ABCD3: variants seen among roughly 807,000 people sequenced by gnomAD.
The protein encoded by ABCD3 is ATP binding cassette subfamily D member 3, also known as ATP-binding cassette sub-family D member 3.
Under a neutral mutation model 105.5 loss-of-function variants are expected in ABCD3, and 41 were observed. The ratio of observed to expected loss-of-function variants is 0.39; its 90% CI spans 0.30 to 0.50. The LOEUF (loss-of-function observed/expected upper bound fraction) is 0.50, where lower values mean the gene tolerates loss of function less well. ABCD3 is among the 20% of genes least tolerant of loss of function. The pLI is 0.84. For missense variants in ABCD3, 622 were observed against 806.3 expected, an observed-to-expected ratio of 0.77 and a Z score of 2.77; for synonymous variants, 258 against 269.0, an observed-to-expected ratio of 0.96 and a Z score of 0.40.
At chr1:94,422,330 T>C (rs905799791) in intron 1 of ABCD3, among the ~76,000 whole-genome samples, 23 of 152,264 alleles carry the variant, frequency 1.5e-4, no homozygotes, top group African/African-American at 5.5e-4. Flanking sequence ...CGTGAACCTG[T>C]TGTAAACTGC....
chr1:94,511,579 C>A (rs1369470100), intron 21 of ABCD3, among the ~76,000 whole-genome samples: 1 of 152,146 alleles, frequency 6.6e-6, no homozygotes, highest in African/African-American at 2.4e-5. Context: ...TAATATCCTG[C>A]AGAGTGTTTT....
chr1:94,409,842 GAGA>G, the ABCD3 span, among the ~76,000 whole-genome samples: 1 of 152,294 alleles, frequency 6.6e-6, no homozygotes, highest in Non-Finnish European at 1.5e-5. Context: ...TTCTATTTCT[GAGA>G]AGGAGACTTG....
the ABCD3 span, among the ~76,000 whole-genome samples, chr1:94,393,450 T>G: frequency 6.6e-6 from 1 of 151,518 alleles, no homozygotes; most frequent in Non-Finnish European, 1.5e-5. Flanking sequence ...ACCAGCCTGG[T>G]CAAGGTGGTA....
At chr1:94,425,721 T>C (rs1659442736) in intron 1 of ABCD3, among the ~76,000 whole-genome samples, 1 of 152,218 alleles carries the variant, frequency 6.6e-6, no homozygotes. Flanking sequence ...ATTTAAATTT[T>C]TTTCTACTTT....
the ABCD3 span, among the ~76,000 whole-genome samples, chr1:94,394,436 G>A: frequency 6.6e-6 from 1 of 152,182 alleles, no homozygotes; most frequent in Non-Finnish European, 1.5e-5. Flanking sequence ...TTCCATGTCA[G>A]TATCTGCATA....
chr1:94,453,029 A>G (rs1159802130), intron 1 of ABCD3, among the ~76,000 whole-genome samples: 1 of 152,106 alleles, frequency 6.6e-6, no homozygotes, highest in African/African-American at 2.4e-5. Flanking sequence ...CTGGCCTTCC[A>G]AAGTGCTCGG....
intron 2 of ABCD3, among the ~76,000 whole-genome samples, chr1:94,459,939 C>T (rs1436726637): frequency 1.3e-5 from 2 of 152,180 alleles, no homozygotes; most frequent in Non-Finnish European, 2.9e-5. Flanking sequence ...ATCAGTATTG[C>T]ATTCCTTTTT....
the ABCD3 span, among the ~76,000 whole-genome samples, chr1:94,405,193 A>C: frequency 6.6e-6 from 1 of 152,122 alleles, no homozygotes; most frequent in African/African-American, 2.4e-5. Flanking sequence ...AAATGCCTGT[A>C]TAGTTTTATA....
chr1:94,441,787 T>C (rs1287545080), intron 1 of ABCD3, among the ~76,000 whole-genome samples: 1 of 152,148 alleles, frequency 6.6e-6, no homozygotes, highest in Non-Finnish European at 1.5e-5. Context: ...AAATATGTTA[T>C]TTGCTCATTT....
At chr1:94,411,153 CT>C in the ABCD3 span, among the ~76,000 whole-genome samples, 1 of 151,954 alleles carries the variant, frequency 6.6e-6, no homozygotes, top group South Asian at 2.1e-4. Flanking sequence ...AATGTAAAAC[CT>C]TTTTGTATTA....
chr1:94,509,798 G>A (rs1016254324), intron 21 of ABCD3, among the ~76,000 whole-genome samples: 5 of 152,156 alleles, frequency 3.3e-5, no homozygotes, highest in Non-Finnish European at 5.9e-5. Flanking sequence ...AGTATTCTCC[G>A]ATGGTAGTTT....
chr1:94,386,854 C>CA, the ABCD3 span, among the ~76,000 whole-genome samples: 10 of 151,520 alleles, frequency 6.6e-5, no homozygotes, highest in South Asian at 1.0e-3. Flanking sequence ...GACTCCATCT[C>CA]AAAAGAAAAA....
chr1:94,464,073 T>C (rs1334909338), intron 2 of ABCD3, among the ~76,000 whole-genome samples: 2 of 152,198 alleles, frequency 1.3e-5, no homozygotes, highest in Non-Finnish European at 2.9e-5. Flanking sequence ...GACCATCCTG[T>C]GTGAACTGTT....
the ABCD3 span, among the ~76,000 whole-genome samples, chr1:94,396,741 G>T: frequency 6.6e-6 from 1 of 152,112 alleles, no homozygotes; most frequent in South Asian, 2.1e-4. Flanking sequence ...GAGTTGCTTT[G>T]TACTAATATT....
At chr1:94,475,498 C>A in intron 6 of ABCD3, 116 bp from the exon 7 acceptor site, 2 of 1,120,796 alleles carry the variant, frequency 1.8e-6, no homozygotes, top group Non-Finnish European at 2.6e-6. Flanking sequence ...TCTCTTCTGG[C>A]TCCAAACTTT....
the ABCD3 span, among the ~76,000 whole-genome samples, chr1:94,412,508 A>G: frequency 6.6e-6 from 1 of 152,168 alleles, no homozygotes; most frequent in Non-Finnish European, 1.5e-5. Flanking sequence ...ATATTCCATT[A>G]TATTTGTTTA....
At chr1:94,444,248 C>T (rs1277345976) in intron 1 of ABCD3, among the ~76,000 whole-genome samples, 1 of 146,910 alleles carries the variant, frequency 6.8e-6, no homozygotes, top group East Asian at 2.0e-4. Context: ...AGGAGAATTG[C>T]TTGAACCTGG....
chr1:94,400,788 C>T, the ABCD3 span, among the ~76,000 whole-genome samples: 88 of 152,332 alleles, frequency 5.8e-4, no homozygotes, highest in East Asian at 1.2e-3. Context: ...TGCAGTTTCA[C>T]GTTTCTGAGC....
chr1:94,406,423 A>C, the ABCD3 span: 1 of 371,958 alleles, frequency 2.7e-6, no homozygotes, highest in South Asian at 2.6e-5. Flanking sequence ...GGAATAGGTT[A>C]CAGCAGCTCA....
Sources: allele counts gnomAD v4.1 joint callset (sites outside exome capture counted in the v4.1 genomes callset), GRCh38; gene constraint gnomAD v4.1.1; transcripts MANE v1.5; gene names NCBI Gene and HGNC (gene_info 2026-07-23, HGNC 2026-07-21).